Variants in FAT3 observed in about 807,000 individuals in gnomAD.
FAT3 encodes protocadherin Fat 3.
A neutral mutation model predicts 310.2 loss-of-function variants in FAT3; 95 were observed. That is an observed-to-expected ratio of 0.31 (90% CI 0.26 to 0.36). The LOEUF (loss-of-function observed/expected upper bound fraction) is 0.36, where lower values mean the gene tolerates loss of function less well. Among genes scored for constraint, FAT3 ranks in the 10% least tolerant of loss-of-function variants. The pLI is 1.00. For synonymous variants in FAT3, 2,314 were observed against 2,192.9 expected (o/e 1.06, Z -1.54); for missense variants, 5,408 against 5,715.6 (o/e 0.95, Z 1.74).
At chr11:92,872,055 A>C (rs953682625) in intron 22 of FAT3, among the ~76,000 whole-genome samples, 6 of 152,250 alleles carry the variant, frequency 3.9e-5, no homozygotes, top group African/African-American at 1.4e-4. Flanking sequence ...TAAGAGTAAT[A>C]GTGTCTGCCA....
chr11:92,797,797 C>T, intron 9 of FAT3, 39 bp from the exon 10 acceptor site: 1 of 1,553,128 alleles, frequency 6.4e-7, no homozygotes, highest in Non-Finnish European at 8.8e-7. Flanking sequence ...TTCAGTGACC[C>T]ACATGTAACT....
chr11:92,370,054 T>C (rs1471408548), intron 2 of FAT3, among the ~76,000 whole-genome samples: 2 of 152,212 alleles, frequency 1.3e-5, no homozygotes, highest in African/African-American at 4.8e-5. Context: ...CGCTAATAAC[T>C]GTCCCAGAGT....
rs975021676 is a variant in FAT3, at chr11:92,353,887, C to T, written c.1775C>T (p.Pro592Leu). ...CAGGGAGTTATTTCATATGACTTTC[C>T]AGTTGGTGGTCACATCACAGCAGTC... ...ACQGVISYDFPVGGHITAVSA... is the reference protein window; with the variant it reads ...ACQGVISYDFLVGGHITAVSA... The change falls in exon 2 of 28, where the codon CCA (proline) becomes CTA (leucine). Residue 592 changes from proline (P) to leucine (L), a missense_variant. Pro to Leu is a moderately conservative substitution (Grantham distance 98). Around this residue, in one of 5 missense-constraint regions of FAT3, gnomAD observed 4,588 missense variants for 4,809.8 expected, o/e 0.95. Transcript: ENST00000525166. 1.2e-6 allele frequency: 2 copies of T among 1,613,196 alleles called. No individual in the cohort carries two copies. Among genetic ancestry groups the T allele is most frequent in the Middle Eastern group, 1.6e-4 (1 of 6,084 alleles).
At chr11:92,750,322 A>G (rs1945795010) in intron 4 of FAT3, among the ~76,000 whole-genome samples, 1 of 152,176 alleles carries the variant, frequency 6.6e-6, no homozygotes, top group African/African-American at 2.4e-5. Flanking sequence ...GCAGAGTACT[A>G]TGGAAGAAGT....
At position 92,883,079 on chromosome 11, in the gene FAT3, C is replaced by A. The variant is rs1173384364; in HGVS notation, c.12623C>A (p.Pro4208Gln). 1.2e-6 allele frequency: 2 copies of A among 1,613,776 alleles called. No individual in the cohort carries two copies. Among genetic ancestry groups the A allele is most frequent in the Non-Finnish European group, 1.7e-6 (2 of 1,179,916 alleles). Residue 4208 changes from proline (P) to glutamine (Q), a missense_variant, in exon 24 of 28, where the codon CCG (proline) becomes CAG (glutamine). Pro to Gln is a moderately conservative substitution (Grantham distance 76). Coordinates refer to ENST00000525166, the MANE Select transcript of FAT3 (RefSeq NM_001367949.2). This position sits in a 1 kb window ranked among gnomAD's most constrained non-coding sequence, Gnocchi z 4.2. ...AALLNKSNGI[P>Q]FRNLRGSGDG... ...CTGCTTAACAAGAGCAATGGCATCC[C>A]GTTCCGGAACCTGCGCGGCAGTGGG...
At chr11:92,415,959 G>T (rs1950400650) in intron 2 of FAT3, among the ~76,000 whole-genome samples, 1 of 144,526 alleles carries the variant, frequency 6.9e-6, no homozygotes, top group Non-Finnish European at 1.5e-5. Flanking sequence ...CTCCCAGGTA[G>T]CTGGACCTAC....
chr11:92,717,748 G>A (rs1944731589), intron 4 of FAT3, among the ~76,000 whole-genome samples: 1 of 152,050 alleles, frequency 6.6e-6, no homozygotes, highest in South Asian at 2.1e-4. Context: ...AGATATGCAG[G>A]TTCTGTGGTC....
intron 27 of FAT3, 22 bp downstream of exon 27, chr11:92,889,913 C>A: frequency 1.4e-6 from 1 of 718,026 alleles, no homozygotes. Flanking sequence ...GCAACCCTAG[C>A]ATAACTTTTT....
intron 3 of FAT3, among the ~76,000 whole-genome samples, chr11:92,659,685 A>T (rs1471011419): frequency 6.6e-6 from 1 of 152,220 alleles, no homozygotes; most frequent in Non-Finnish European, 1.5e-5. Flanking sequence ...CCTCTAGAGC[A>T]TAAAAGAAAA....
intron 2 of FAT3, among the ~76,000 whole-genome samples, chr11:92,424,300 T>C (rs1180167822): frequency 6.6e-6 from 1 of 152,158 alleles, no homozygotes; most frequent in Non-Finnish European, 1.5e-5. Context: ...AGATGTGAAT[T>C]ATACCTGCTT....
intron 2 of FAT3, among the ~76,000 whole-genome samples, 196 bp downstream of exon 2, chr11:92,355,600 G>A (rs1454949584): frequency 6.6e-6 from 1 of 152,138 alleles, no homozygotes; most frequent in Non-Finnish European, 1.5e-5. Flanking sequence ...TAACAGCTGT[G>A]GTTTCCAGTG....
chr11:92,439,346 C>T (rs750400848), intron 2 of FAT3, among the ~76,000 whole-genome samples: 1 of 152,062 alleles, frequency 6.6e-6, no homozygotes, highest in Non-Finnish European at 1.5e-5. Flanking sequence ...CTTTCATATT[C>T]CACAATATGA....
At chr11:92,560,761 A>G (rs1955196851) in intron 3 of FAT3, among the ~76,000 whole-genome samples, 1 of 152,186 alleles carries the variant, frequency 6.6e-6, no homozygotes, top group African/African-American at 2.4e-5. Flanking sequence ...TGTTCACTGT[A>G]GGTGCTGGCA....
chr11:92,240,403 AATGCT>A lies in FAT3; in HGVS notation c.-18+15230_-18+15234del, dbSNP rs1674867698. On this transcript the variant is annotated intron_variant, in intron 1 of 27. Transcript: ENST00000525166. ...CTTGTAACACAAAAGCTTGACTTAC[AATGCT>A]GTTTTTTCTTGTTCTTTTGCAGCCA... Among the ~76,000 whole-genome samples the A allele has an allele frequency of 2.6e-5, 4 of 152,108 alleles. No individual in the cohort carries two copies. In the South Asian group the frequency reaches 8.3e-4, roughly 32 times the overall value.
chr11:92,319,565 T>C (rs960787815), intron 1 of FAT3, among the ~76,000 whole-genome samples: 3 of 152,192 alleles, frequency 2.0e-5, no homozygotes, highest in Admixed American at 2.0e-4. Context: ...CCAACAACAT[T>C]GATGCATCTT....
chr11:92,715,819 G>A (rs187767063), intron 4 of FAT3, among the ~76,000 whole-genome samples: 27 of 151,960 alleles, frequency 1.8e-4, no homozygotes, highest in African/African-American at 5.5e-4. Flanking sequence ...GAAGATCAAC[G>A]TAAAAGAAGA....
At chr11:92,832,509 G>A (rs943652546) in intron 14 of FAT3, among the ~76,000 whole-genome samples, 1 of 151,972 alleles carries the variant, frequency 6.6e-6, no homozygotes, top group Non-Finnish European at 1.5e-5. Flanking sequence ...AGCTTCTAAA[G>A]ATGGCTCCTG....
chr11:92,567,201 A>ACC (rs1955490475), intron 3 of FAT3, among the ~76,000 whole-genome samples: 1 of 117,438 alleles, frequency 8.5e-6, no homozygotes, highest in Non-Finnish European at 1.8e-5. Context: ...GAAAAAAACA[A>ACC]AACCCCATCA....
At chr11:92,267,966 G>A (rs1274199510) in intron 1 of FAT3, among the ~76,000 whole-genome samples, 1 of 151,438 alleles carries the variant, frequency 6.6e-6, no homozygotes, top group East Asian at 2.0e-4. Flanking sequence ...ACTGAAAATT[G>A]AGGTTTTTCT....
Sources: gnomAD v4.1 joint callset for allele counts (sites outside exome capture counted in the v4.1 genomes callset) on GRCh38, gnomAD v4.1.1 for gene constraint, gnomAD v4.1.1 regional missense constraint, Gnocchi (gnomAD v3.1) non-coding constraint, MANE v1.5 for transcripts, NCBI Gene and HGNC (gene_info 2026-07-23, HGNC 2026-07-21) for gene names.